Variants in DDX27 observed in about 807,000 individuals in gnomAD.
The protein encoded by DDX27 is probable ATP-dependent RNA helicase DDX27.
A neutral mutation model predicts 99.3 loss-of-function variants in DDX27; 42 were observed. The observed-to-expected ratio is 0.42, with a 90% CI of 0.33 to 0.55. DDX27 has a LOEUF of 0.55. DDX27 is among the 20% of genes least tolerant of loss of function. The probability of loss-of-function intolerance (pLI) is 0.07; values close to 1 mark genes in which losing one functional copy is unlikely to be tolerated. For synonymous variants in DDX27, 329 were observed against 353.8 expected (o/e 0.93, Z 0.79); for missense variants, 798 against 976.8 (o/e 0.82, Z 2.44).
At chr20:49,221,650 C>T in intron 2 of DDX27, 52 bp downstream of exon 2, 1 of 1,512,050 alleles carries the variant, frequency 6.6e-7, no homozygotes, top group South Asian at 1.3e-5. Flanking sequence ...TAAGATTGGA[C>T]TGTGAGTTTC....
At chr20:49,235,968 C>T in intron 12 of DDX27, 182 bp from the exon 13 acceptor site, 1 of 451,086 alleles carries the variant, frequency 2.2e-6, no homozygotes, top group Non-Finnish European at 4.0e-6. Flanking sequence ...TGGTCTCGAT[C>T]TCCTGACCTC....
rs376385146 is a variant in DDX27, at chr20:49,224,172, C to T, written c.466+739C>T. ...CATTACAGGCGTGAGCCACTGTGCC[C>T]GCTGAATCCTTTCTTTTAGGTTTTC... On this transcript the variant is annotated intron_variant, in intron 4 of 20. Coordinates refer to ENST00000618172, the MANE Select transcript of DDX27 (RefSeq NM_017895.8). Among the ~76,000 whole-genome samples the T allele has an allele frequency of 3.6e-4, 55 of 152,066 alleles. 1 individual carries two copies. The highest frequency in any genetic ancestry group is 9.9e-4 in the African/African-American group (41 of 41,498).
chr20:49,230,361 A>G lies in DDX27; in HGVS notation c.1031+12A>G. On this transcript the variant is annotated intron_variant, in intron 9 of 20. Coordinates refer to ENST00000618172, the MANE Select transcript of DDX27 (RefSeq NM_017895.8). The stretch of plus-strand genomic sequence containing the variant: ...GACGAGGCTGACAGGTGCTCCTCAC[A>G]GCCTGGGGCCCAGGGCACTGTGGGG... 6.2e-7 allele frequency: 1 copy of G among 1,601,590 alleles called. No homozygotes were observed. Among genetic ancestry groups the G allele is most frequent in the Non-Finnish European group, 8.5e-7 (1 of 1,178,752 alleles).
intron 16 of DDX27, among the ~76,000 whole-genome samples, chr20:49,241,586 C>T (rs1035191469): frequency 6.6e-6 from 1 of 151,928 alleles, no homozygotes; most frequent in Non-Finnish European, 1.5e-5. Context: ...AATTCTCTCA[C>T]CTCAGCCTCC....
chr20:49,224,131 C>A (rs1028163268), intron 4 of DDX27, among the ~76,000 whole-genome samples: 18 of 152,132 alleles, frequency 1.2e-4, no homozygotes, highest in African/African-American at 4.1e-4. Flanking sequence ...CCCGCCTTGA[C>A]CTCTAAAAGT....
At position 49,226,549 on chromosome 20, in the gene DDX27, G is replaced by C. The variant is rs149279995; in HGVS notation, c.706+14G>C. ...CCACTGGGACAGGTGAAAAGGATAG[G>C]GACCCAGGGTGGGCAGAAGGGTGTT... On this transcript the variant is annotated intron_variant, in intron 7 of 20. Transcript: ENST00000618172. 1 of 1,608,718 alleles carries C rather than the reference G, an allele frequency of 6.2e-7. No homozygotes were observed. The highest frequency in any genetic ancestry group is 8.5e-7 in the Non-Finnish European group (1 of 1,175,794).
chr20:49,226,978 TC>T (rs1979918152), intron 7 of DDX27, among the ~76,000 whole-genome samples: 2 of 140,798 alleles, frequency 1.4e-5, no homozygotes, highest in Non-Finnish European at 3.1e-5. Flanking sequence ...TTCTCCTGCC[TC>T]AGCCTCCCAA....
chr20:49,230,556 T>G (rs1049835355), intron 9 of DDX27, among the ~76,000 whole-genome samples: 1 of 152,226 alleles, frequency 6.6e-6, no homozygotes, highest in Non-Finnish European at 1.5e-5. Context: ...GGTGGTTAAG[T>G]GATAAGGCTG....
chr20:49,224,517 C>G (rs1252094633), intron 4 of DDX27, among the ~76,000 whole-genome samples: 4 of 152,074 alleles, frequency 2.6e-5, no homozygotes, highest in Non-Finnish European at 5.9e-5. Context: ...CACACGCCAA[C>G]ACACCTGGCT....
Position 49,236,547 on chromosome 20 carries a change from G to A in DDX27, c.1687+37G>A, listed in dbSNP as rs368315818. ...CCCCTGTGGCAGTGCAGAATGGCTC[G>A]GTGGGCGGGGCAAGGACAGAGTGTA... On this transcript the variant is annotated intron_variant, in intron 14 of 20. Transcript: ENST00000618172. This position sits in a 1 kb window ranked among gnomAD's most constrained non-coding sequence, Gnocchi z 4.1. The A allele has an allele frequency of 1.2e-4, 180 of 1,517,166 alleles. No individual in the cohort carries two copies. Among genetic ancestry groups the A allele is most frequent in the Non-Finnish European group, 1.4e-4 (161 of 1,131,260 alleles). The allele number at this position is 1,517,166 out of a possible 1,614,324, so 94.0% of individuals were successfully genotyped here.
intron 1 of DDX27, 101 bp downstream of exon 1, chr20:49,219,642 C>T (rs1568969451): frequency 7.8e-7 from 1 of 1,289,726 alleles, no homozygotes; most frequent in South Asian, 1.6e-5. Flanking sequence ...CTGCCAGCCC[C>T]GGAAGTTTCC....
chr20:49,236,601 A>T lies in DDX27; in HGVS notation c.1687+91A>T, dbSNP rs563531431. 1.5e-5 allele frequency: 19 copies of T among 1,305,732 alleles called. No homozygotes were observed. Among genetic ancestry groups the T allele is most frequent in the Middle Eastern group, 5.7e-4 (2 of 3,504 alleles). The allele number at this position is 1,305,732 out of a possible 1,614,324, so 80.9% of individuals were successfully genotyped here. On this transcript the variant is annotated intron_variant, in intron 14 of 20. Coordinates refer to ENST00000618172, the MANE Select transcript of DDX27 (RefSeq NM_017895.8). The surrounding 1 kb of genome is among the most constrained non-coding windows in gnomAD (Gnocchi z 4.1). The stretch of plus-strand genomic sequence containing the variant: ...GCTGAGAGCAGGTACTTTGCAGTTC[A>T]GAGCCAGATTTGAATTCCAGCCCTG...
chr20:49,236,556 G>A lies in DDX27; in HGVS notation c.1687+46G>A. On this transcript the variant is annotated intron_variant, in intron 14 of 20. Transcript: ENST00000618172. This position sits in a 1 kb window ranked among gnomAD's most constrained non-coding sequence, Gnocchi z 4.1. ...CAGTGCAGAATGGCTCGGTGGGCGG[G>A]GCAAGGACAGAGTGTAATGGCTGAG... The A allele has an allele frequency of 6.7e-7, 1 of 1,502,838 alleles. No individual in the cohort carries two copies. Among genetic ancestry groups the A allele is most frequent in the Non-Finnish European group, 8.9e-7 (1 of 1,124,240 alleles). 93.1% of individuals were successfully genotyped at this position (1,502,838 alleles called of 1,614,324 possible). A position where few individuals can be genotyped will look rare whatever the true frequency, so the allele number is the denominator to read the frequency against.
In DDX27 at chr20:49,225,196, G is replaced by A; in HGVS notation, c.597G>A (p.Leu199=). 1 of 1,613,718 alleles carries A rather than the reference G, an allele frequency of 6.2e-7. No homozygotes were observed. Among genetic ancestry groups the A allele is most frequent in the Non-Finnish European group, 8.5e-7 (1 of 1,179,646 alleles). ...ACATGAACCTTTCCCGCCCTCTTCT[G>A]AAGGTAGCAGCTTCTTGTCAAAAAT... The part of the protein sequence containing the change: ...FQDMNLSRPL[L]KAITAMGFKQ... Residue 199 remains leucine (L), a synonymous_variant, in exon 6 of 21, where the codon CTG becomes CTA. Transcript: ENST00000618172.
chr20:49,223,394 G>T lies in DDX27; in HGVS notation c.427G>T (p.Asp143Tyr). 1.9e-6 allele frequency: 3 copies of T among 1,613,364 alleles called. No individual in the cohort carries two copies. In the South Asian group the frequency reaches 3.3e-5, roughly 18 times the overall value. ...CTCAGAAGATGAAGCCTCGGAGACT[G>T]ACTACTCATCAGCTGATGAGAACAT... ...EGSEDEASETDYSSADENILT... is the reference protein window; with the variant it reads ...EGSEDEASETYYSSADENILT... The change falls in exon 4 of 21, where the codon GAC (aspartate) becomes TAC (tyrosine). Residue 143 changes from aspartate to tyrosine, a missense_variant. By Grantham distance (160) the Asp-to-Tyr change is radical. Around this residue, in one of 2 missense-constraint regions of DDX27, gnomAD observed 245 missense variants for 248.8 expected, o/e 0.98. Transcript: ENST00000618172.
chr20:49,225,076 G>C, intron 5 of DDX27, 37 bp from the exon 6 acceptor site: 1 of 1,607,690 alleles, frequency 6.2e-7, no homozygotes, highest in African/African-American at 1.3e-5. Flanking sequence ...GGCTCTTTTT[G>C]TTGAATTCTC....
At chr20:49,235,915 T>C (rs548572219) in intron 12 of DDX27, 517 of 267,036 alleles carry the variant, frequency 1.9e-3, no homozygotes, top group Middle Eastern at 0.01. Flanking sequence ...GGCTAATTTT[T>C]TGTATTTTTA....
At chr20:49,228,528 G>A (rs377720855) in intron 7 of DDX27, among the ~76,000 whole-genome samples, 187 bp from the exon 8 acceptor site, 22 of 151,630 alleles carry the variant, frequency 1.5e-4, no homozygotes, top group Admixed American at 6.6e-4. Flanking sequence ...CTGCCTCGGC[G>A]TCCCAAAGTG....
rs773773654 is a variant in DDX27 at position 49,242,114 on chromosome 20, A to C, written c.2024A>C (p.Lys675Thr). ...AEERSQFEIL[K>T]AQMFAERLAK... ...GAAAGGTCTCAGTTTGAAATCCTCA[A>C]GGCGCAGATGTTTGCTGAACGGCTA... is the stretch of plus-strand genomic sequence containing the variant. Residue 675 changes from lysine (K) to threonine (T), a missense_variant, in exon 18 of 21, where the codon AAG (lysine) becomes ACG (threonine). Around this residue, in one of 2 missense-constraint regions of DDX27, gnomAD observed 553 missense variants for 727.9 expected, o/e 0.76. Coordinates refer to ENST00000618172, the MANE Select transcript of DDX27 (RefSeq NM_017895.8). 1 of 1,614,204 alleles carries C rather than the reference A, an allele frequency of 6.2e-7. No homozygotes were observed. The highest frequency in any genetic ancestry group is 1.1e-5 in the South Asian group (1 of 91,074).
Sources: gnomAD v4.1 joint callset for allele counts (sites outside exome capture counted in the v4.1 genomes callset) on GRCh38, gnomAD v4.1.1 for gene constraint, gnomAD v4.1.1 regional missense constraint, Gnocchi (gnomAD v3.1) non-coding constraint, MANE v1.5 for transcripts, NCBI Gene and HGNC (gene_info 2026-07-23, HGNC 2026-07-21) for gene names.